CHMP3: variants seen among roughly 807,000 people sequenced by gnomAD.
CHMP3 encodes charged multivesicular body protein 3.
A neutral mutation model predicts 27.4 loss-of-function variants in CHMP3; 8 were observed. The ratio of observed to expected loss-of-function variants is 0.29; its 90% confidence interval spans 0.17 to 0.53. The LOEUF is 0.53. Ranked by LOEUF, CHMP3 falls within the 20% of genes least tolerant of loss-of-function variation. The pLI is 0.96. For synonymous variants in CHMP3, 86 were observed against 85.5 expected (o/e 1.01, Z -0.03); for missense variants, 208 against 271.5 (o/e 0.77, Z 1.64).
At chr2:86,521,909 C>G (rs1214384004) in intron 3 of CHMP3, among the ~76,000 whole-genome samples, 1 of 152,160 alleles carries the variant, frequency 6.6e-6, no homozygotes, top group Non-Finnish European at 1.5e-5. Flanking sequence ...ATCCAAATAC[C>G]TATTTGAGTC....
At chr2:86,515,870 A>T (rs906565843) in intron 3 of CHMP3, among the ~76,000 whole-genome samples, 24 of 152,006 alleles carry the variant, frequency 1.6e-4, no homozygotes, top group Non-Finnish European at 2.8e-4. Flanking sequence ...TTTAAAAAAA[A>T]TTTTTGGCTG....
In CHMP3 at chr2:86,563,359, A is replaced by T; in HGVS notation, c.-11T>A. 1 of 1,613,710 alleles carries T rather than the reference A, an allele frequency of 6.2e-7. No individual in the cohort carries two copies. Among genetic ancestry groups the T allele is most frequent in the Non-Finnish European group, 8.5e-7 (1 of 1,179,862 alleles). Reference sequence around the variant, plus strand: ...TCCAAACAGCCCCATGACGAACTGAACCCGTCTTGCCCCTTCCGGCTTTCA... The same window carrying T: ...TCCAAACAGCCCCATGACGAACTGATCCCGTCTTGCCCCTTCCGGCTTTCA... On this transcript the variant is annotated 5_prime_UTR_variant, in exon 1 of 6. Coordinates refer to ENST00000263856, the MANE Select transcript of CHMP3 (RefSeq NM_016079.4).
At position 86,505,185 on chromosome 2, in the gene CHMP3, A is replaced by C. The variant is rs1356823392; in HGVS notation, c.*619T>G. 1 of 152,882 alleles carries C rather than the reference A, an allele frequency of 6.5e-6. No homozygotes were observed. Among genetic ancestry groups the C allele is most frequent in the Admixed American group, 6.5e-5 (1 of 15,280 alleles). The allele number at this position is 152,882 out of a possible 1,614,324, so 9.5% of individuals were successfully genotyped here. A position where few individuals can be genotyped will look rare whatever the true frequency, so the allele number is the denominator to read the frequency against. On this transcript the variant is annotated 3_prime_UTR_variant, in exon 6 of 6. Coordinates refer to ENST00000263856, the MANE Select transcript of CHMP3 (RefSeq NM_016079.4). ...CTAAATAGACCCACATGCACACCCC[A>C]GGACATAATGCAGCCACCAGCCAAC...
chr2:86,529,390 T>C lies in CHMP3; in HGVS notation c.114A>G (p.Gln38=). ...RVVDRQIRDI[Q]REEEKVKRSV... is the part of the protein sequence containing the mutation. ...ATCGTTTCACTTTTTCTTCTTCTCT[T>C]TGGATATCTAAATTTAGAACAGAAC... Residue 38 remains glutamine, a synonymous_variant, in exon 3 of 6, where the codon CAA becomes CAG. Transcript: ENST00000263856. 5 of 1,595,834 alleles carry C rather than the reference T, an allele frequency of 3.1e-6. No individual in the cohort carries two copies. Among genetic ancestry groups the C allele is most frequent in the Non-Finnish European group, 4.3e-6 (5 of 1,172,838 alleles).
rs1459425325 is a variant in CHMP3, at chr2:86,539,948, A to G, written c.106+2304T>C. Among the ~76,000 whole-genome samples, 4 of 152,112 alleles carry G rather than the reference A, an allele frequency of 2.6e-5. No homozygotes were observed. In the South Asian group the frequency reaches 6.2e-4, roughly 24 times the overall value. ...AAATATCTTTATTTCACCTTCACCT[A>G]TGAATGTTATTTTCATTGGACTTAA... On this transcript the variant is annotated intron_variant, in intron 2 of 5. Coordinates refer to ENST00000263856, the MANE Select transcript of CHMP3 (RefSeq NM_016079.4).
intron 3 of CHMP3, among the ~76,000 whole-genome samples, chr2:86,516,114 C>T (rs1383203442): frequency 6.9e-6 from 1 of 144,422 alleles, no homozygotes; most frequent in Non-Finnish European, 1.5e-5. Context: ...CACCACTGCA[C>T]TCCAGCCTGG....
rs1182454456 is a variant in CHMP3, at chr2:86,503,515, C to T, written c.*2289G>A. 1 of 152,104 alleles carries T rather than the reference C, an allele frequency of 6.6e-6. No individual in the cohort carries two copies. The highest frequency in any genetic ancestry group is 2.4e-5 in the African/African-American group (1 of 41,422). 9.4% of individuals were successfully genotyped at this position (152,104 alleles called of 1,614,324 possible). A position where few individuals can be genotyped will look rare whatever the true frequency, so the allele number is the denominator to read the frequency against. ...AAAACCTGCACAAAGATGTTTACAA[C>T]AGCTTTATTCATAATTGCCAAAACT... On this transcript the variant is annotated 3_prime_UTR_variant, in exon 6 of 6. Coordinates refer to ENST00000263856, the MANE Select transcript of CHMP3 (RefSeq NM_016079.4).
intron 1 of CHMP3, among the ~76,000 whole-genome samples, chr2:86,545,418 G>GAT (rs1676536572): frequency 8.3e-6 from 1 of 121,010 alleles, no homozygotes; most frequent in Non-Finnish European, 1.7e-5. Flanking sequence ...CTTCCCAGAC[G>GAT]GGGTGGCCGG....
At chr2:86,554,816 C>CGCGCGT (rs138168191) in intron 1 of CHMP3, among the ~76,000 whole-genome samples, 2 of 145,384 alleles carry the variant, frequency 1.4e-5, no homozygotes, top group African/African-American at 5.2e-5. Context: ...TGTGTGCGCG[C>CGCGCGT]GTGTGTGTGT....
chr2:86,535,296 T>C (rs1676082904), intron 2 of CHMP3, among the ~76,000 whole-genome samples: 1 of 152,108 alleles, frequency 6.6e-6, no homozygotes, highest in Non-Finnish European at 1.5e-5. Flanking sequence ...AAGGACAAAT[T>C]TTCTTCTGCC....
chr2:86,548,620 CTT>C (rs1279668629), intron 1 of CHMP3, among the ~76,000 whole-genome samples: 2 of 152,156 alleles, frequency 1.3e-5, no homozygotes, highest in African/African-American at 4.8e-5. Flanking sequence ...TCTGATCTGT[CTT>C]TCTTTTCCCC....
intron 5 of CHMP3, among the ~76,000 whole-genome samples, 189 bp from the exon 6 acceptor site, chr2:86,506,138 A>C (rs1674878175): frequency 6.6e-6 from 1 of 152,216 alleles, no homozygotes; most frequent in African/African-American, 2.4e-5. Flanking sequence ...CCAAAGTCAT[A>C]ATAATTGTAA....
rs1035571460 is a variant in CHMP3 at position 86,504,045 on chromosome 2, G to A, written c.*1759C>T. On this transcript the variant is annotated 3_prime_UTR_variant, in exon 6 of 6. Transcript: ENST00000263856. ...AAACCCCCTTGTCACGAGTTTACCT[G>A]CACATGTACCCCCTGAACCTAATTT... is the stretch of plus-strand genomic sequence containing the variant. 1 of 152,196 alleles carries A rather than the reference G, an allele frequency of 6.6e-6. No individual in the cohort carries two copies. Among genetic ancestry groups the A allele is most frequent in the African/African-American group, 2.4e-5 (1 of 41,452 alleles). 9.4% of individuals were successfully genotyped at this position (152,196 alleles called of 1,614,324 possible). A position where few individuals can be genotyped will look rare whatever the true frequency, so the allele number is the denominator to read the frequency against.
intron 3 of CHMP3, among the ~76,000 whole-genome samples, chr2:86,520,496 T>C (rs1402015590): frequency 6.6e-6 from 1 of 152,050 alleles, no homozygotes; most frequent in Admixed American, 6.6e-5. Flanking sequence ...ACCCCCATGA[T>C]CCAATCACCT....
At chr2:86,527,797 C>A (rs1675773417) in intron 3 of CHMP3, among the ~76,000 whole-genome samples, 1 of 152,040 alleles carries the variant, frequency 6.6e-6, no homozygotes, top group African/African-American at 2.4e-5. Flanking sequence ...CCCGTCTCTA[C>A]TAAAAATACA....
chr2:86,523,780 T>C (rs1298288359), intron 3 of CHMP3, among the ~76,000 whole-genome samples: 1 of 151,994 alleles, frequency 6.6e-6, no homozygotes, highest in Non-Finnish European at 1.5e-5. Context: ...TGAGAAACAA[T>C]ACACAGAATG....
chr2:86,537,880 A>G (rs1676211544), intron 2 of CHMP3, among the ~76,000 whole-genome samples: 1 of 152,184 alleles, frequency 6.6e-6, no homozygotes, highest in African/African-American at 2.4e-5. Context: ...AAAATTAAAG[A>G]TACAATTATT....
intron 4 of CHMP3, among the ~76,000 whole-genome samples, chr2:86,509,789 G>A (rs938988384): frequency 1.3e-5 from 2 of 152,232 alleles, no homozygotes; most frequent in South Asian, 2.1e-4. Context: ...ACGATGGCTA[G>A]AAGAACAGAC....
chr2:86,557,928 TTCCAA>T (rs1184977902), intron 1 of CHMP3, among the ~76,000 whole-genome samples: 10 of 152,334 alleles, frequency 6.6e-5, no homozygotes, highest in African/African-American at 2.4e-4. Flanking sequence ...GTAAGCCTTA[TTCCAA>T]TCCAACGCAC....
Sources: gnomAD v4.1 joint callset for allele counts (sites outside exome capture counted in the v4.1 genomes callset) on GRCh38, gnomAD v4.1.1 for gene constraint, MANE v1.5 for transcripts, NCBI Gene and HGNC (gene_info 2026-07-23, HGNC 2026-07-21) for gene names.